SHMT2: variants seen among roughly 807,000 people sequenced by gnomAD.
SHMT2 encodes the protein serine hydroxymethyltransferase, mitochondrial.
A neutral mutation model predicts 59.6 loss-of-function variants in SHMT2; 38 were observed. The ratio of observed to expected loss-of-function variants is 0.64; its 90% CI spans 0.49 to 0.84. The LOEUF (loss-of-function observed/expected upper bound fraction) is 0.84. Among genes scored for constraint, SHMT2 ranks in the 40% least tolerant of loss-of-function variants. SHMT2 has a pLI of 0.00. For missense variants in SHMT2, 533 were observed against 659.5 expected, an observed-to-expected ratio of 0.81 and a Z score of 2.10; for synonymous variants, 254 against 258.1, an observed-to-expected ratio of 0.98 and a Z score of 0.15.
In SHMT2 at chr12:57,233,729, C is replaced by T. The variant is rs768602892; in HGVS notation, c.1124-20C>T. 7.4e-6 allele frequency: 12 copies of T among 1,613,572 alleles called. No individual in the cohort carries two copies. The highest frequency in any genetic ancestry group is 2.7e-5 in the African/African-American group (2 of 74,944). On this transcript the variant is annotated intron_variant, in intron 9 of 11. Transcript: ENST00000328923. ...GCAGAGGCCCAGGACTCACCACTCCCCATTTCTTACCCACCTTAGGTGGTA... is the reference window on the plus strand; with the variant it reads ...GCAGAGGCCCAGGACTCACCACTCCTCATTTCTTACCCACCTTAGGTGGTA...
At position 57,233,602 on chromosome 12, in the gene SHMT2, C is replaced by T. The variant is rs778491418; in HGVS notation, c.1063C>T (p.Leu355=). The T allele has an allele frequency of 6.2e-7, 1 of 1,614,126 alleles. No individual in the cohort carries two copies. Among genetic ancestry groups the T allele is most frequent in the African/African-American group, 1.3e-5 (1 of 75,064 alleles). The change falls in exon 9 of 12, where the codon CTG becomes TTG. Residue 355 remains leucine, a synonymous_variant. Coordinates refer to ENST00000328923, the MANE Select transcript of SHMT2 (RefSeq NM_005412.6). ...PMFREYSLQV[L]KNARAMADAL... ...GTTCCGGGAGTACTCCCTGCAGGTT[C>T]TGAAGAATGCTCGGGCCATGGCAGA...
At position 57,233,829 on chromosome 12, in the gene SHMT2, C is replaced by T; in HGVS notation, c.1204C>T (p.Leu402Phe). The change falls in exon 10 of 12, where the codon CTT becomes TTT. Residue 402 changes from leucine to phenylalanine, a missense_variant. Physicochemically the swap from Leu to Phe is conservative, Grantham distance 22. Coordinates refer to ENST00000328923, the MANE Select transcript of SHMT2 (RefSeq NM_005412.6). Reference protein sequence around the residue: ...DGARAERVLELVSITANKNTC... With the variant: ...DGARAERVLEFVSITANKNTC... ...AGCTCGGGCTGAGCGGGTGCTAGAG[C>T]TTGTATCCATCACTGCCAACAAGAA... 1 of 1,614,236 alleles carries T rather than the reference C, an allele frequency of 6.2e-7. No homozygotes were observed. Among genetic ancestry groups the T allele is most frequent in the Middle Eastern group, 1.6e-4 (1 of 6,062 alleles).
chr12:57,231,832 C>T lies in SHMT2; in HGVS notation c.431C>T (p.Ser144Phe), dbSNP rs2037331214. 6.2e-7 allele frequency: 1 copy of T among 1,614,108 alleles called. No homozygotes were observed. Among genetic ancestry groups the T allele is most frequent in the Non-Finnish European group, 8.5e-7 (1 of 1,180,004 alleles). ...WGVNVQPYSG[S>F]PANLAVYTAL... ...GTCAATGTCCAGCCCTACTCCGGGT[C>T]CCCAGCCAACCTGGCCGTCTACACA... The change falls in exon 4 of 12, where the codon TCC becomes TTC. Residue 144 changes from serine (S) to phenylalanine (F), a missense_variant. Physicochemically the swap from Ser to Phe is radical, Grantham distance 155 (BLOSUM62 -2). Coordinates refer to ENST00000328923, the MANE Select transcript of SHMT2 (RefSeq NM_005412.6).
In SHMT2 at chr12:57,232,507, C is replaced by T. The variant is rs747827761; in HGVS notation, c.649C>T (p.Arg217Trp). 39 of 1,614,106 alleles carry T rather than the reference C, an allele frequency of 2.4e-5. No individual in the cohort carries two copies. The highest frequency in any genetic ancestry group is 4.4e-5 in the South Asian group (4 of 91,088). Residue 217 changes from arginine to tryptophan, a missense_variant, in exon 6 of 12, where the codon CGG becomes TGG. By Grantham distance (101) the Arg-to-Trp change is moderately radical. Coordinates refer to ENST00000328923, the MANE Select transcript of SHMT2 (RefSeq NM_005412.6). ...GCTGGCACTGACTGCTCGACTTTTC[C>T]GGCCACGGCTCATCATAGCTGGCAC... ...NQLALTARLFRPRLIIAGTSA... is the reference protein window; with the variant it reads ...NQLALTARLFWPRLIIAGTSA...
At chr12:57,230,331 G>T (rs2037261692) in intron 1 of SHMT2, 2 of 1,138,982 alleles carry the variant, frequency 1.8e-6, no homozygotes, top group South Asian at 3.7e-5. Flanking sequence ...CTTCCTCACG[G>T]ACTGCTAAAG....
chr12:57,231,075 T>A, intron 2 of SHMT2, 75 bp downstream of exon 2: 2 of 1,440,526 alleles, frequency 1.4e-6, no homozygotes, highest in Admixed American at 1.8e-5. Flanking sequence ...TAACTGATAT[T>A]TCTCCAAAAC....
chr12:57,230,895 C>T lies in SHMT2; in HGVS notation c.126C>T (p.Gly42=), dbSNP rs369518884. 1 of 1,614,108 alleles carries T rather than the reference C, an allele frequency of 6.2e-7. No homozygotes were observed. Among genetic ancestry groups the T allele is most frequent in the Non-Finnish European group, 8.5e-7 (1 of 1,180,014 alleles). ...CTCAGACTGGGGAAGCAAACAGGGGCTGGACAGGCCAGGAGAGCCTGTCGG... is the reference window on the plus strand; with the variant it reads ...CTCAGACTGGGGAAGCAAACAGGGGTTGGACAGGCCAGGAGAGCCTGTCGG... ...AQTQTGEANR[G]WTGQESLSDS... is the part of the protein sequence containing the mutation. Residue 42 remains glycine (G), a synonymous_variant, in exon 2 of 12, where the codon GGC becomes GGT. Transcript: ENST00000328923.
At chr12:57,232,000 ACAG>A in intron 4 of SHMT2, 87 bp downstream of exon 4, 1 of 1,397,034 alleles carries the variant, frequency 7.2e-7, no homozygotes, top group Non-Finnish European at 9.9e-7. Flanking sequence ...TGTGGACCAT[ACAG>A]ATGGAACAGG....
At position 57,233,677 on chromosome 12, in the gene SHMT2, G is replaced by T; in HGVS notation, c.1123+15G>T. ...ACTGGTATCAGGTAAGCCAGCAGGT[G>T]ATGGGTGAGGGCCTCTGTAGCTTCA... On this transcript the variant is annotated intron_variant, in intron 9 of 11. Coordinates refer to ENST00000328923, the MANE Select transcript of SHMT2 (RefSeq NM_005412.6). 1.2e-6 allele frequency: 2 copies of T among 1,613,606 alleles called. No homozygotes were observed. The highest frequency in any genetic ancestry group is 1.7e-6 in the Non-Finnish European group (2 of 1,179,636).
At chr12:57,230,229 G>A (rs2037256276) in intron 1 of SHMT2, 2 of 1,244,352 alleles carry the variant, frequency 1.6e-6, no homozygotes, top group Admixed American at 3.0e-5. Context: ...GTGAGGGCTG[G>A]AAGGAGGTGG....
intron 8 of SHMT2, 26 bp downstream of exon 8, chr12:57,233,371 G>A (rs1303561812): frequency 6.4e-7 from 1 of 1,570,244 alleles, no homozygotes; most frequent in Admixed American, 1.9e-5. Context: ...TTTGTAGGGT[G>A]TGGGGGGGCA....
At position 57,233,101 on chromosome 12, in the gene SHMT2, G is replaced by A. The variant is rs112928049; in HGVS notation, c.858-79G>A. 3.2e-4 allele frequency: 468 copies of A among 1,482,284 alleles called. No homozygotes were observed. The African/African-American group carries it at 5.7e-3, about 18-fold the overall frequency. The allele number at this position is 1,482,284 out of a possible 1,614,324, so 91.8% of individuals were successfully genotyped here. ...ACGTGAGCTGTGCCCTTGGGGCCCA[G>A]GTCCGCCAGCTTCCTCTGCCTTCTC... On this transcript the variant is annotated intron_variant, in intron 7 of 11. Coordinates refer to ENST00000328923, the MANE Select transcript of SHMT2 (RefSeq NM_005412.6).
At position 57,231,891 on chromosome 12, in the gene SHMT2, C is replaced by T. The variant is rs768366350; in HGVS notation, c.490C>T (p.Leu164=). 1.9e-5 allele frequency: 31 copies of T among 1,611,556 alleles called. 1 individual carries two copies. Among genetic ancestry groups the T allele is most frequent in the Non-Finnish European group, 2.6e-5 (31 of 1,178,866 alleles). Residue 164 remains leucine, a synonymous_variant, in exon 4 of 12, where the codon CTG becomes TTG. Coordinates refer to ENST00000328923, the MANE Select transcript of SHMT2 (RefSeq NM_005412.6). The part of the protein sequence containing the change: ...LLQPHDRIMG[L]DLPDGGHLTH... ...GCAACCTCACGACCGGATCATGGGG[C>T]TGGACCTGCCCGATGGGGGCCAGTG...
intron 4 of SHMT2, 88 bp from the exon 5 acceptor site, chr12:57,232,123 C>G: frequency 7.7e-7 from 1 of 1,296,514 alleles, no homozygotes; most frequent in South Asian, 1.2e-5. Context: ...GACTGGTGTT[C>G]TGGGGACAGA....
Position 57,233,886 on chromosome 12 carries a change from C to T in SHMT2, c.1261C>T (p.Pro421Ser), listed in dbSNP as rs1244233301. Residue 421 changes from proline (P) to serine (S), a missense_variant, in exon 10 of 12, where the codon CCG (proline) becomes TCG (serine). Coordinates refer to ENST00000328923, the MANE Select transcript of SHMT2 (RefSeq NM_005412.6). The stretch of plus-strand genomic sequence containing the variant: ...TCCTGGAGACCGAAGTGCCATCACA[C>T]CGGGCGGCCTGCGGCTTGGTGAGAC... ...TCPGDRSAIT[P>S]GGLRLGAPAL... The T allele has an allele frequency of 6.2e-7, 1 of 1,614,192 alleles. No homozygotes were observed. The highest frequency in any genetic ancestry group is 2.2e-5 in the East Asian group (1 of 44,880).
Position 57,233,546 on chromosome 12 carries a change from T to G in SHMT2, c.1024-17T>G, listed in dbSNP as rs1410694405. 1 of 1,607,678 alleles carries G rather than the reference T, an allele frequency of 6.2e-7. No individual in the cohort carries two copies. The highest frequency in any genetic ancestry group is 1.7e-5 in the Admixed American group (1 of 59,734). ...GGTCCAGGCCTAGGGTGACAGCTGC[T>G]ACTGTCTCATCTCCAGGCCTGCACC... On this transcript the variant is annotated splice_polypyrimidine_tract_variant and intron_variant, in intron 8 of 11. Transcript: ENST00000328923.
At chr12:57,231,253 G>C (rs186814964) in intron 2 of SHMT2, 29 of 624,216 alleles carry the variant, frequency 4.6e-5, no homozygotes, top group Non-Finnish European at 7.0e-5. Context: ...GGAAGGAGGA[G>C]CCTAGAAGCA....
rs760516022 is a variant in SHMT2, at chr12:57,231,830, G to A, written c.429G>A (p.Gly143=). 6.2e-6 allele frequency: 10 copies of A among 1,614,002 alleles called. No homozygotes were observed. The highest frequency in any genetic ancestry group is 7.6e-6 in the Non-Finnish European group (9 of 1,180,016). ...QWGVNVQPYS[G]SPANLAVYTA... Reference sequence around the variant, plus strand: ...GAGTCAATGTCCAGCCCTACTCCGGGTCCCCAGCCAACCTGGCCGTCTACA... The same window carrying A: ...GAGTCAATGTCCAGCCCTACTCCGGATCCCCAGCCAACCTGGCCGTCTACA... The change falls in exon 4 of 12, where the codon GGG becomes GGA. Residue 143 remains glycine (G), a synonymous_variant. Transcript: ENST00000328923.
intron 11 of SHMT2, 27 bp downstream of exon 11, chr12:57,234,137 C>G (rs1474111269): frequency 6.2e-7 from 1 of 1,613,392 alleles, no homozygotes; most frequent in Non-Finnish European, 8.5e-7. Flanking sequence ...GAGCCCCGGG[C>G]CAGCCAGTTC....
Sources: gnomAD v4.1 joint callset for allele counts on GRCh38, gnomAD v4.1.1 for gene constraint, MANE v1.5 for transcripts, NCBI Gene and HGNC (gene_info 2026-07-23, HGNC 2026-07-21) for gene names.